Variants in MYOZ3 observed in about 807,000 individuals in gnomAD.
The protein encoded by MYOZ3 is myozenin-3.
MYOZ3 carries 19 observed loss-of-function variants against 26.5 expected under a neutral mutation model. That is an observed-to-expected ratio of 0.72 (90% CI 0.50 to 1.05). The LOEUF (loss-of-function observed/expected upper bound fraction) is 1.05. Among genes scored for constraint, MYOZ3 ranks in the 50% least tolerant of loss-of-function variants. The pLI is 0.00. For missense variants in MYOZ3, 322 were observed against 337.1 expected, an observed-to-expected ratio of 0.96 and a Z score of 0.35; for synonymous variants, 135 against 138.8, an observed-to-expected ratio of 0.97 and a Z score of 0.19.
At chr5:150,661,734 C>A (rs1324245390) in intron 1 of MYOZ3, among the ~76,000 whole-genome samples, 1 of 152,202 alleles carries the variant, frequency 6.6e-6, no homozygotes, top group East Asian at 1.9e-4. Flanking sequence ...CCCTTCCCAG[C>A]ATCTGTGAAT....
At position 150,671,897 on chromosome 5, in the gene MYOZ3, C is replaced by T. The variant is rs1299588209; in HGVS notation, c.413C>T (p.Ala138Val). 6.4e-7 allele frequency: 1 copy of T among 1,553,328 alleles called. No individual in the cohort carries two copies. The change falls in exon 5 of 7, where the codon GCC becomes GTC. Residue 138 changes from alanine (A) to valine (V), a missense_variant. Physicochemically the swap from Ala to Val is moderately conservative, Grantham distance 64. Coordinates refer to ENST00000517768, the MANE Select transcript of MYOZ3 (RefSeq NM_001122853.3). ...GCTGGGTGCGTCCCCAGCCCCAGCG[C>T]CCTGGCGCCAGGTGAGTGGCCTCCT... ...APAGCVPSPS[A>V]LAPGYAEPLK...
chr5:150,672,232 T>C, intron 5 of MYOZ3, 108 bp from the exon 6 acceptor site: 1 of 1,496,266 alleles, frequency 6.7e-7, no homozygotes. Context: ...CTCCCCTAAC[T>C]CCGATCTTCC....
At chr5:150,661,583 G>A (rs956071297) in intron 1 of MYOZ3, among the ~76,000 whole-genome samples, 156 bp downstream of exon 1, 32 of 152,184 alleles carry the variant, frequency 2.1e-4, no homozygotes, top group African/African-American at 7.7e-4. Flanking sequence ...TGGGAGGAGA[G>A]GAACTCTAAG....
chr5:150,674,097 G>A (rs1758968298), intron 6 of MYOZ3, among the ~76,000 whole-genome samples: 1 of 152,258 alleles, frequency 6.6e-6, no homozygotes, highest in African/African-American at 2.4e-5. Context: ...AATAGGCAGA[G>A]ACTTCCTGAT....
intron 2 of MYOZ3, chr5:150,669,909 A>C (rs1758875305): frequency 6.6e-6 from 1 of 152,120 alleles, no homozygotes; most frequent in African/African-American, 2.4e-5. Context: ...GGCTTCCCAA[A>C]GTGCTGGGAT....
At chr5:150,676,543 C>CA (rs749959393) in intron 6 of MYOZ3, among the ~76,000 whole-genome samples, 164 bp from the exon 7 acceptor site, 4,100 of 57,454 alleles carry the variant, frequency 0.071, 287 homozygotes, top group African/African-American at 0.17. Context: ...GACTCTGTCT[C>CA]AAAAAAAAAA....
Position 150,661,367 on chromosome 5 carries a change from A to G in MYOZ3, c.-62A>G, listed in dbSNP as rs1453154650. The G allele has an allele frequency of 6.6e-6, 1 of 152,472 alleles. No individual in the cohort carries two copies. The highest frequency in any genetic ancestry group is 2.4e-5 in the African/African-American group (1 of 41,476). 9.4% of individuals were successfully genotyped at this position (152,472 alleles called of 1,614,324 possible). On this transcript the variant is annotated 5_prime_UTR_variant, in exon 1 of 7. Coordinates refer to ENST00000517768, the MANE Select transcript of MYOZ3 (RefSeq NM_001122853.3). ...GCCACGCAACTCTCAGCTTCCCGAC[A>G]GAGGTGTTAATCTTGAGGGTCTAAG... is the stretch of plus-strand genomic sequence containing the variant.
chr5:150,672,335 C>G lies in MYOZ3; in HGVS notation c.425-5C>G. The G allele has an allele frequency of 6.3e-7, 1 of 1,599,166 alleles. No homozygotes were observed. The highest frequency in any genetic ancestry group is 8.5e-7 in the Non-Finnish European group (1 of 1,173,632). ...GGAGGCGCTCCCTTCCCCCCGCGCCCCTAGGCTATGCGGAGCCGCTGAAGG... is the reference window on the plus strand; with the variant it reads ...GGAGGCGCTCCCTTCCCCCCGCGCCGCTAGGCTATGCGGAGCCGCTGAAGG... On this transcript the variant is annotated splice_polypyrimidine_tract_variant and splice_region_variant and intron_variant, in intron 5 of 6. Transcript: ENST00000517768.
intron 2 of MYOZ3, among the ~76,000 whole-genome samples, chr5:150,663,644 A>G (rs1019604434): frequency 3.3e-5 from 5 of 152,206 alleles, no homozygotes; most frequent in Admixed American, 6.5e-5. Flanking sequence ...GGAACTCTTG[A>G]TACAATTTTG....
chr5:150,676,738 G>A lies in MYOZ3; in HGVS notation c.619G>A (p.Gly207Arg). ...TPVPFGGPLV[G>R]GTFPRPGTPF... ...GGTGCCATTTGGAGGACCCCTCGTGGGGGGCACTTTTCCCAGGCCAGGCAC... is the reference window on the plus strand; with the variant it reads ...GGTGCCATTTGGAGGACCCCTCGTGAGGGGCACTTTTCCCAGGCCAGGCAC... The change falls in exon 7 of 7, where the codon GGG becomes AGG. Residue 207 changes from glycine to arginine, a missense_variant. By Grantham distance (125) the Gly-to-Arg change is moderately radical (BLOSUM62 -2). Transcript: ENST00000517768. 1 of 1,613,958 alleles carries A rather than the reference G, an allele frequency of 6.2e-7. No homozygotes were observed. The highest frequency in any genetic ancestry group is 8.5e-7 in the Non-Finnish European group (1 of 1,179,998).
At chr5:150,663,944 G>A (rs766933331) in intron 2 of MYOZ3, among the ~76,000 whole-genome samples, 1 of 151,420 alleles carries the variant, frequency 6.6e-6, no homozygotes, top group Admixed American at 6.6e-5. Flanking sequence ...AGTGAGCTAC[G>A]GTTGTGCCAC....
At chr5:150,665,572 TACTC>T (rs1471990200) in intron 2 of MYOZ3, among the ~76,000 whole-genome samples, 3 of 152,184 alleles carry the variant, frequency 2.0e-5, no homozygotes, top group African/African-American at 4.8e-5. Flanking sequence ...GAAATAGAAA[TACTC>T]AGTCAAATAG....
In MYOZ3 at chr5:150,677,179, C is replaced by G. The variant is rs1332562890; in HGVS notation, c.*304C>G. On this transcript the variant is annotated 3_prime_UTR_variant, in exon 7 of 7. Coordinates refer to ENST00000517768, the MANE Select transcript of MYOZ3 (RefSeq NM_001122853.3). Reference sequence around the variant, plus strand: ...GGGTGTCGTGGCTCACGCCTGTCATCCCAGCACTTTGGGAGGCCGAGGCAG... The same window carrying G: ...GGGTGTCGTGGCTCACGCCTGTCATGCCAGCACTTTGGGAGGCCGAGGCAG... The G allele has an allele frequency of 4.4e-6, 1 of 228,908 alleles. No homozygotes were observed. Among genetic ancestry groups the G allele is most frequent in the African/African-American group, 2.2e-5 (1 of 44,568 alleles). The allele number at this position is 228,908 out of a possible 1,614,324, so 14.2% of individuals were successfully genotyped here. A position where few individuals can be genotyped will look rare whatever the true frequency, so the allele number is the denominator to read the frequency against.
In MYOZ3 at chr5:150,677,146, C is replaced by T. The variant is rs1197758876; in HGVS notation, c.*271C>T. On this transcript the variant is annotated 3_prime_UTR_variant, in exon 7 of 7. Transcript: ENST00000517768. The stretch of plus-strand genomic sequence containing the variant: ...GAGGAATCTGTATTATTAATAGCAA[C>T]CAGGGCCGGGTGTCGTGGCTCACGC... 3.3e-6 allele frequency: 1 copy of T among 305,990 alleles called. No individual in the cohort carries two copies. The highest frequency in any genetic ancestry group is 6.1e-6 in the Non-Finnish European group (1 of 165,004). The allele number at this position is 305,990 out of a possible 1,614,324, so 19.0% of individuals were successfully genotyped here. A position where few individuals can be genotyped will look rare whatever the true frequency, so the allele number is the denominator to read the frequency against.
intron 3 of MYOZ3, among the ~76,000 whole-genome samples, chr5:150,671,191 G>C (rs1758903980): frequency 6.6e-6 from 1 of 152,190 alleles, no homozygotes; most frequent in African/African-American, 2.4e-5. Context: ...AACTGAGAGG[G>C]AGTGATGTGG....
rs754053667 is a variant in MYOZ3, at chr5:150,670,569, C to A, written c.147C>A (p.Ser49=). 6.2e-7 allele frequency: 1 copy of A among 1,613,178 alleles called. No homozygotes were observed. The highest frequency in any genetic ancestry group is 2.2e-5 in the East Asian group (1 of 44,848). The change falls in exon 3 of 7, where the codon TCC becomes TCA. Residue 49 remains serine, a synonymous_variant. Coordinates refer to ENST00000517768, the MANE Select transcript of MYOZ3 (RefSeq NM_001122853.3). ...TGTCACTACGCAACAACAGAGGGTC[C>A]CTCCTCTTCCAGAAGAGGCAGCGCC... ...EELSLRNNRG[S]LLFQKRQRRV... is the part of the protein sequence containing the mutation.
intron 6 of MYOZ3, among the ~76,000 whole-genome samples, chr5:150,675,943 T>C (rs1399595138): frequency 1.1e-4 from 16 of 152,318 alleles, no homozygotes; most frequent in African/African-American, 3.8e-4. Context: ...TGTGTGAAAC[T>C]TTTCCCCCGC....
intron 1 of MYOZ3, 43 bp from the exon 2 acceptor site, chr5:150,662,898 A>G: frequency 6.3e-7 from 1 of 1,575,180 alleles, no homozygotes; most frequent in Non-Finnish European, 8.7e-7. Flanking sequence ...CTGGGGAGAA[A>G]TGGAGGCAGC....
Position 150,679,154 on chromosome 5 carries a change from A to T in MYOZ3, c.*2279A>T, listed in dbSNP as rs905866529. On this transcript the variant is annotated 3_prime_UTR_variant, in exon 7 of 7. Coordinates refer to ENST00000517768, the MANE Select transcript of MYOZ3 (RefSeq NM_001122853.3). ...AAGACCAGCCATTCAAGAATCTGAA[A>T]AGTAGACAAGAGGACTCCAGTTGCC... The T allele has an allele frequency of 1.3e-5, 2 of 152,316 alleles. No homozygotes were observed. Among genetic ancestry groups the T allele is most frequent in the African/African-American group, 4.8e-5 (2 of 41,438 alleles). The allele number at this position is 152,316 out of a possible 1,614,324, so 9.4% of individuals were successfully genotyped here. A position where few individuals can be genotyped will look rare whatever the true frequency, so the allele number is the denominator to read the frequency against.
Sources: allele counts gnomAD v4.1 joint callset (sites outside exome capture counted in the v4.1 genomes callset), GRCh38; gene constraint gnomAD v4.1.1; transcripts MANE v1.5; gene names NCBI Gene and HGNC (gene_info 2026-07-23, HGNC 2026-07-21).